The following MGMT variants were observed in gnomAD, a reference collection of about 807,000 sequenced individuals.
MGMT encodes methylated-DNA--protein-cysteine methyltransferase.
MGMT carries 14 observed loss-of-function variants against 15.9 expected under a neutral mutation model. That is an observed-to-expected ratio of 0.88 (90% confidence interval 0.58 to 1.37). The LOEUF (loss-of-function observed/expected upper bound fraction) is 1.37, where lower values mean the gene tolerates loss of function less well. Among genes scored for constraint, MGMT ranks in the 40% most tolerant of loss-of-function variants. The pLI, the probability that MGMT is intolerant of heterozygous loss-of-function variation, is 0.00. For missense variants in MGMT, 282 were observed against 268.1 expected, an observed-to-expected ratio of 1.05 and a Z score of -0.36; for synonymous variants, 130 against 118.2, an observed-to-expected ratio of 1.10 and a Z score of -0.65.
Position 129,536,278 on chromosome 10 carries a change from G to T in MGMT, c.26G>T (p.Arg9Leu), listed in dbSNP as rs544050191. 1.2e-5 allele frequency: 19 copies of T among 1,613,828 alleles called. No individual in the cohort carries two copies. Among genetic ancestry groups the T allele is most frequent in the Non-Finnish European group, 1.4e-5 (16 of 1,179,996 alleles). The change falls in exon 2 of 5, where the codon CGC becomes CTC. Residue 9 changes from arginine to leucine, a missense_variant. Coordinates refer to ENST00000651593, the MANE Select transcript of MGMT (RefSeq NM_002412.5). Reference sequence around the variant, plus strand: ...ATGGACAAGGATTGTGAAATGAAACGCACCACACTGGACAGCCCTTTGGGG... The same window carrying T: ...ATGGACAAGGATTGTGAAATGAAACTCACCACACTGGACAGCCCTTTGGGG... MDKDCEMK[R>L]TTLDSPLGKL...
At chr10:129,739,405 A>G (rs925554320) in intron 3 of MGMT, among the ~76,000 whole-genome samples, 1 of 152,204 alleles carries the variant, frequency 6.6e-6, no homozygotes, top group Non-Finnish European at 1.5e-5. Flanking sequence ...AGAAAACCCC[A>G]TTGTCTCAGC....
chr10:129,502,546 A>G (rs1159917705), intron 1 of MGMT, among the ~76,000 whole-genome samples: 1 of 149,322 alleles, frequency 6.7e-6, no homozygotes, highest in African/African-American at 2.5e-5. Context: ...AAAATGAGTA[A>G]AAAAAAAATG....
intron 2 of MGMT, among the ~76,000 whole-genome samples, chr10:129,658,015 C>CA (rs1564751019): frequency 6.6e-6 from 1 of 152,164 alleles, no homozygotes; most frequent in Non-Finnish European, 1.5e-5. Context: ...CCCCATCCCC[C>CA]AAAGATCATC....
rs1237660738 is a variant in MGMT, at chr10:129,523,953, C to T, written c.-12-12288C>T. Among the ~76,000 whole-genome samples the T allele has an allele frequency of 3.3e-5, 5 of 152,328 alleles. No homozygotes were observed. The East Asian group carries it at 7.7e-4, about 24-fold the overall frequency. On this transcript the variant is annotated intron_variant, in intron 1 of 4. Coordinates refer to ENST00000651593, the MANE Select transcript of MGMT (RefSeq NM_002412.5). ...GGGGTCCCAGCCTCTTGGAAGTGTCCGCTCAGACACTGCCAGGTGCCTTGG... is the reference window on the plus strand; with the variant it reads ...GGGGTCCCAGCCTCTTGGAAGTGTCTGCTCAGACACTGCCAGGTGCCTTGG...
Position 129,770,922 on chromosome 10 carries a change from GT to G in MGMT, c.*3934del, listed in dbSNP as rs995011659. 1.3e-5 allele frequency among the ~76,000 whole-genome samples: 2 copies of G among 149,958 alleles called. No individual in the cohort carries two copies. The highest frequency in any genetic ancestry group is 3.9e-4 in the East Asian group (2 of 5,144). On this transcript the variant is annotated 3_prime_UTR_variant, in exon 5 of 5. Coordinates refer to ENST00000651593, the MANE Select transcript of MGMT (RefSeq NM_002412.5). ...TTCCCTCAGACCTCAGACCGTGTGG[GT>G]TTTTTTTTCTTTCTTTCTTTCCTGT...
At chr10:129,561,127 A>G (rs1226354563) in intron 2 of MGMT, among the ~76,000 whole-genome samples, 1 of 152,086 alleles carries the variant, frequency 6.6e-6, no homozygotes, top group Non-Finnish European at 1.5e-5. Context: ...GTGCCTAGTG[A>G]TTTTAAAGAT....
intron 2 of MGMT, among the ~76,000 whole-genome samples, chr10:129,542,603 A>G (rs1846055699): frequency 6.6e-6 from 1 of 152,220 alleles, no homozygotes; most frequent in Admixed American, 6.5e-5. Context: ...CAGTGCCGTG[A>G]AATAATGATT....
chr10:129,568,207 C>T (rs1846377229), intron 2 of MGMT, among the ~76,000 whole-genome samples: 1 of 152,230 alleles, frequency 6.6e-6, no homozygotes, highest in Admixed American at 6.5e-5. Context: ...CTCCTGCCTT[C>T]ACTTGAGGTT....
At chr10:129,713,082 A>G (rs1322859224) in intron 3 of MGMT, among the ~76,000 whole-genome samples, 3 of 152,174 alleles carry the variant, frequency 2.0e-5, no homozygotes, top group African/African-American at 4.8e-5. Flanking sequence ...TCCTTTCAGC[A>G]CTTTGTACCG....
At chr10:129,505,332 A>T (rs1409281698) in intron 1 of MGMT, among the ~76,000 whole-genome samples, 7 of 152,204 alleles carry the variant, frequency 4.6e-5, no homozygotes, top group African/African-American at 1.7e-4. Context: ...TGAAAGTATA[A>T]TACAGGCTTT....
chr10:129,572,928 T>G (rs1368341616), intron 2 of MGMT, among the ~76,000 whole-genome samples: 1 of 152,184 alleles, frequency 6.6e-6, no homozygotes, highest in African/African-American at 2.4e-5. Flanking sequence ...TTGGTCCTTT[T>G]TTGGAGTGAT....
chr10:129,471,301 G>A (rs953537250), intron 1 of MGMT, among the ~76,000 whole-genome samples: 1 of 152,204 alleles, frequency 6.6e-6, no homozygotes, highest in Non-Finnish European at 1.5e-5. Context: ...GGCACGGGAT[G>A]TTCAGAGATA....
At chr10:129,749,175 T>C (rs1007769425) in intron 3 of MGMT, among the ~76,000 whole-genome samples, 1 of 152,214 alleles carries the variant, frequency 6.6e-6, no homozygotes, top group African/African-American at 2.4e-5. Flanking sequence ...TCACTCTTTG[T>C]GCTGTAAGCT....
chr10:129,538,172 TAGA>T (rs1330575656), intron 2 of MGMT, among the ~76,000 whole-genome samples: 1 of 152,220 alleles, frequency 6.6e-6, no homozygotes, highest in Non-Finnish European at 1.5e-5. Flanking sequence ...AAAAATTACA[TAGA>T]AGTCAGATTT....
intron 3 of MGMT, among the ~76,000 whole-genome samples, chr10:129,732,856 T>C (rs1848517902): frequency 6.9e-6 from 1 of 144,256 alleles, no homozygotes; most frequent in African/African-American, 2.6e-5. Context: ...TGATTTCCAA[T>C]TTCATCCATG....
chr10:129,688,815 C>T (rs942583298), intron 2 of MGMT, among the ~76,000 whole-genome samples: 10 of 152,174 alleles, frequency 6.6e-5, no homozygotes, highest in African/African-American at 2.4e-4. Context: ...GAACCCAGCA[C>T]GCCTCTATCC....
In MGMT at chr10:129,533,508, C is replaced by G. The variant is rs1845954468; in HGVS notation, c.-12-2733C>G. ...CCAAGCTGGGCTGTTTACTGCCAGTCTGCTGGGAGCTTTGACCCACCATCG... is the reference window on the plus strand; with the variant it reads ...CCAAGCTGGGCTGTTTACTGCCAGTGTGCTGGGAGCTTTGACCCACCATCG... On this transcript the variant is annotated intron_variant, in intron 1 of 4. Transcript: ENST00000651593. The surrounding 1 kb of genome is among the most constrained non-coding windows in gnomAD (Gnocchi z 4.5). Among the ~76,000 whole-genome samples, 1 of 152,192 alleles carries G rather than the reference C, an allele frequency of 6.6e-6. No individual in the cohort carries two copies. The highest frequency in any genetic ancestry group is 2.1e-4 in the South Asian group (1 of 4,836).
intron 3 of MGMT, among the ~76,000 whole-genome samples, chr10:129,753,253 C>T (rs1848769251): frequency 6.6e-6 from 1 of 152,126 alleles, no homozygotes; most frequent in Non-Finnish European, 1.5e-5. Flanking sequence ...GCTTTCAAGA[C>T]TTTCTCTGAA....
intron 1 of MGMT, among the ~76,000 whole-genome samples, chr10:129,515,808 G>T (rs1845732463): frequency 6.6e-6 from 1 of 152,048 alleles, no homozygotes; most frequent in Non-Finnish European, 1.5e-5. Flanking sequence ...CCATGTTGAT[G>T]ACAGCCTCTA....
Sources: allele counts gnomAD v4.1 joint callset (sites outside exome capture counted in the v4.1 genomes callset), GRCh38; gene constraint gnomAD v4.1.1; non-coding constraint Gnocchi (gnomAD v3.1); transcripts MANE v1.5; gene names NCBI Gene and HGNC (gene_info 2026-07-23, HGNC 2026-07-21).